Variants in AGBL4 observed in about 807,000 individuals in gnomAD.
The protein encoded by AGBL4 is cytosolic carboxypeptidase 6.
Under a neutral mutation model 66.4 loss-of-function variants are expected in AGBL4, and 58 were observed. The observed-to-expected ratio is 0.87, with a 90% CI of 0.71 to 1.09. The LOEUF (loss-of-function observed/expected upper bound fraction) is 1.09, where lower values mean the gene tolerates loss of function less well. AGBL4 is among the 50% of genes least tolerant of loss of function. AGBL4 has a pLI of 0.00. For synonymous variants in AGBL4, 234 were observed against 222.9 expected (o/e 1.05, Z -0.44); for missense variants, 579 against 631.0 (o/e 0.92, Z 0.88).
chr1:48,827,784 G>C (rs562620666), intron 6 of AGBL4, among the ~76,000 whole-genome samples: 2 of 152,122 alleles, frequency 1.3e-5, no homozygotes, highest in Non-Finnish European at 2.9e-5. Context: ...TCATGTGGTG[G>C]ATATTCCCTT....
In AGBL4 at chr1:48,827,995, T is replaced by TACACACACACACAC. The variant is rs375257744; in HGVS notation, c.634+39182_634+39195dup. 8.2e-4 allele frequency among the ~76,000 whole-genome samples: 96 copies of TACACACACACACAC among 116,970 alleles called. 1 individual carries two copies. Among genetic ancestry groups the TACACACACACACAC allele is most frequent in the East Asian group, 6.6e-3 (24 of 3,618 alleles). 76.7% of individuals were successfully genotyped at this position (116,970 alleles called of 152,430 possible). The stretch of plus-strand genomic sequence containing the variant: ...TGTGAGACCCCGTCTCTACTAAAAA[T>TACACACACACACAC]ACACACACACACACACACACACACA... On this transcript the variant is annotated intron_variant, in intron 6 of 13. Coordinates refer to ENST00000371839, the MANE Select transcript of AGBL4 (RefSeq NM_032785.4).
chr1:49,901,178 G>A (rs1649734230), intron 1 of AGBL4, among the ~76,000 whole-genome samples: 1 of 152,146 alleles, frequency 6.6e-6, no homozygotes, highest in South Asian at 2.1e-4. Flanking sequence ...CATAGTACTG[G>A]AATCCCTGGC....
chr1:48,756,231 C>T (rs781027151), intron 6 of AGBL4, among the ~76,000 whole-genome samples: 1 of 152,194 alleles, frequency 6.6e-6, no homozygotes, highest in South Asian at 2.1e-4. Context: ...GTTTGGGTAA[C>T]AAAAATTCAT....
intron 3 of AGBL4, among the ~76,000 whole-genome samples, chr1:49,474,669 T>A (rs564523468): frequency 6.6e-6 from 1 of 152,120 alleles, no homozygotes; most frequent in South Asian, 2.1e-4. Context: ...GCTGAACTAT[T>A]TAAAAAAATA....
At chr1:49,083,407 A>C (rs1213258865) in intron 4 of AGBL4, among the ~76,000 whole-genome samples, 2 of 152,222 alleles carry the variant, frequency 1.3e-5, no homozygotes, top group East Asian at 3.9e-4. Context: ...CCAAACCTCA[A>C]TTCTTGACTT....
intron 3 of AGBL4, among the ~76,000 whole-genome samples, chr1:49,357,142 G>T (rs1395909536): frequency 6.6e-6 from 1 of 152,126 alleles, no homozygotes; most frequent in Non-Finnish European, 1.5e-5. Context: ...GTTACGGCTG[G>T]GCCAACAAAG....
At chr1:48,684,894 T>G (rs1438779823) in intron 6 of AGBL4, among the ~76,000 whole-genome samples, 1 of 152,190 alleles carries the variant, frequency 6.6e-6, no homozygotes, top group African/African-American at 2.4e-5. Context: ...CACCTTGCTG[T>G]GGTGGAAAGA....
intron 2 of AGBL4, among the ~76,000 whole-genome samples, chr1:49,745,814 T>G (rs1267777922): frequency 6.6e-6 from 1 of 151,480 alleles, no homozygotes; most frequent in Non-Finnish European, 1.5e-5. Flanking sequence ...TTGCCTATAA[T>G]AATTGACAGA....
At chr1:48,679,505 A>G (rs1024096680) in intron 6 of AGBL4, among the ~76,000 whole-genome samples, 3 of 149,368 alleles carry the variant, frequency 2.0e-5, no homozygotes, top group Non-Finnish European at 4.4e-5. Context: ...TGCCTTATCT[A>G]TCCTCTCCAC....
intron 9 of AGBL4, among the ~76,000 whole-genome samples, chr1:48,592,028 G>C (rs1383458745): frequency 2.2e-4 from 34 of 152,310 alleles, no homozygotes; most frequent in Admixed American, 1.8e-3. Context: ...GTGATTTTTA[G>C]ACCATTAGAT....
At chr1:49,822,999 C>T (rs1373999140) in intron 2 of AGBL4, among the ~76,000 whole-genome samples, 2 of 152,140 alleles carry the variant, frequency 1.3e-5, no homozygotes, top group African/African-American at 4.8e-5. Context: ...TAATTGTTCT[C>T]CTCACACCAG....
chr1:50,012,185 A>G (rs1244518838), intron 1 of AGBL4, among the ~76,000 whole-genome samples: 1 of 151,578 alleles, frequency 6.6e-6, no homozygotes, highest in East Asian at 1.9e-4. Context: ...AAAAAAAAAA[A>G]AGAATGTTTA....
intron 1 of AGBL4, among the ~76,000 whole-genome samples, chr1:49,991,736 A>T (rs1330440614): frequency 6.6e-6 from 1 of 152,136 alleles, no homozygotes; most frequent in African/African-American, 2.4e-5. Flanking sequence ...ATTTCTGTCA[A>T]TGAATCCCCA....
At chr1:49,023,380 C>T (rs1230003103) in intron 5 of AGBL4, among the ~76,000 whole-genome samples, 1 of 152,158 alleles carries the variant, frequency 6.6e-6, no homozygotes, top group Non-Finnish European at 1.5e-5. Context: ...GCAGCTCATT[C>T]AGGCTTTGGT....
At chr1:49,152,559 C>A (rs763187965) in intron 4 of AGBL4, among the ~76,000 whole-genome samples, 1 of 152,198 alleles carries the variant, frequency 6.6e-6, no homozygotes. Context: ...AAGATGACAA[C>A]CCCACCTAGG....
intron 5 of AGBL4, among the ~76,000 whole-genome samples, chr1:48,957,981 C>A (rs1363983052): frequency 1.3e-5 from 2 of 152,052 alleles, no homozygotes; most frequent in Non-Finnish European, 2.9e-5. Context: ...CTAATGACTT[C>A]TGCAGGCTTG....
At chr1:48,640,571 T>G (rs1645738395) in intron 8 of AGBL4, among the ~76,000 whole-genome samples, 1 of 152,226 alleles carries the variant, frequency 6.6e-6, no homozygotes, top group Non-Finnish European at 1.5e-5. Context: ...TAATCCTCAT[T>G]TGATAAATAA....
intron 3 of AGBL4, among the ~76,000 whole-genome samples, chr1:49,359,440 T>C (rs946105): frequency 0.015 from 2,339 of 152,256 alleles, 66 homozygotes; most frequent in African/African-American, 0.054. Flanking sequence ...ATATAGCATA[T>C]GTTCAATAAA....
chr1:49,499,373 A>ATTG (rs1175276745), intron 3 of AGBL4, among the ~76,000 whole-genome samples: 22 of 151,840 alleles, frequency 1.4e-4, no homozygotes, highest in Admixed American at 1.4e-3. Flanking sequence ...TATTATTATT[A>ATTG]TTATTTCAAT....
Sources: allele counts gnomAD v4.1 joint callset (sites outside exome capture counted in the v4.1 genomes callset), GRCh38; gene constraint gnomAD v4.1.1; transcripts MANE v1.5; gene names NCBI Gene and HGNC (gene_info 2026-07-23, HGNC 2026-07-21).